NTM: variants seen among roughly 807,000 people sequenced by gnomAD.
NTM encodes the protein neurotrimin.
In NTM, 13 loss-of-function variants were observed where a neutral mutation model predicts 42.1. The observed-to-expected ratio is 0.31, with a 90% CI of 0.20 to 0.49. The LOEUF is 0.49. Among genes scored for constraint, NTM ranks in the 20% least tolerant of loss-of-function variants. The pLI is 0.99. For missense variants in NTM, 373 were observed against 452.8 expected (o/e 0.82, Z 1.60); for synonymous variants, 187 against 179.2 (o/e 1.04, Z -0.35).
chr11:131,854,571 T>C (rs1446416827), intron 1 of NTM, among the ~76,000 whole-genome samples: 1 of 152,078 alleles, frequency 6.6e-6, no homozygotes. Flanking sequence ...CAGCATGAGC[T>C]CAGTATGTTG....
intron 1 of NTM, among the ~76,000 whole-genome samples, chr11:131,740,936 G>A (rs2081101135): frequency 6.6e-6 from 1 of 152,092 alleles, no homozygotes; most frequent in Admixed American, 6.6e-5. Flanking sequence ...GGGAGGCCGA[G>A]GCGTACAGAT....
chr11:131,593,728 T>C (rs2059581842), intron 1 of NTM, among the ~76,000 whole-genome samples: 1 of 152,222 alleles, frequency 6.6e-6, no homozygotes, highest in Non-Finnish European at 1.5e-5. Context: ...ACCTCTTGTA[T>C]TTTGTTGTAT....
chr11:131,828,178 T>A (rs894152747), intron 1 of NTM, among the ~76,000 whole-genome samples: 3 of 152,082 alleles, frequency 2.0e-5, no homozygotes, highest in African/African-American at 7.2e-5. Flanking sequence ...CTAAGTGAGA[T>A]GAATCAGGCA....
At chr11:131,606,708 G>A (rs1033250341) in intron 1 of NTM, among the ~76,000 whole-genome samples, 5 of 152,144 alleles carry the variant, frequency 3.3e-5, no homozygotes, top group Non-Finnish European at 7.4e-5. Context: ...GTGTTCAGTA[G>A]TCTGAGTTGT....
intron 1 of NTM, among the ~76,000 whole-genome samples, chr11:131,735,694 G>A (rs1016967490): frequency 6.6e-6 from 1 of 152,080 alleles, no homozygotes; most frequent in African/African-American, 2.4e-5. Flanking sequence ...GTTTTGTTGG[G>A]TGCTTCCATG....
chr11:131,703,596 A>G (rs920788053), intron 1 of NTM, among the ~76,000 whole-genome samples: 3 of 152,212 alleles, frequency 2.0e-5, no homozygotes, highest in Non-Finnish European at 4.4e-5. Flanking sequence ...TCACAGAAAC[A>G]CTGCTTGGAA....
intron 4 of NTM, among the ~76,000 whole-genome samples, chr11:132,214,206 G>A (rs1472851769): frequency 2.0e-5 from 3 of 152,316 alleles, no homozygotes; most frequent in African/African-American, 7.2e-5. Context: ...GGGCCCTTCT[G>A]AAGGAGGGGC....
chr11:131,638,623 T>C (rs2064742126), intron 1 of NTM, among the ~76,000 whole-genome samples: 1 of 151,508 alleles, frequency 6.6e-6, no homozygotes, highest in Non-Finnish European at 1.5e-5. Flanking sequence ...AAGAAAACTT[T>C]TCTGGAATTG....
intron 3 of NTM, among the ~76,000 whole-genome samples, chr11:132,169,840 T>C (rs2075876484): frequency 1.3e-5 from 2 of 152,216 alleles, no homozygotes; most frequent in Admixed American, 6.5e-5. Flanking sequence ...TCTCCCTGTC[T>C]GACTTCTGTT....
At chr11:131,871,652 C>A (rs1434674331) in intron 1 of NTM, among the ~76,000 whole-genome samples, 1 of 152,138 alleles carries the variant, frequency 6.6e-6, no homozygotes, top group African/African-American at 2.4e-5. Context: ...CTTGTTCTCT[C>A]CCTGTTAATC....
At chr11:131,607,260 G>A (rs1876227) in intron 1 of NTM, among the ~76,000 whole-genome samples, 12 of 152,238 alleles carry the variant, frequency 7.9e-5, no homozygotes, top group Middle Eastern at 3.4e-3. Flanking sequence ...TGAAGCTGCT[G>A]GCCTTCTTGC....
In NTM at chr11:131,705,572, T is replaced by C. The variant is rs11530643; in HGVS notation, c.83-205992T>C. 9.2e-5 allele frequency among the ~76,000 whole-genome samples: 14 copies of C among 152,302 alleles called. No homozygotes were observed. In the East Asian group the frequency reaches 2.5e-3, roughly 27 times the overall value. Reference sequence around the variant, plus strand: ...TCAGAATACTACAATGCTGTAATGATGGTGTATAAATTACCTCTAATTCTG... The same window carrying C: ...TCAGAATACTACAATGCTGTAATGACGGTGTATAAATTACCTCTAATTCTG... On this transcript the variant is annotated intron_variant, in intron 1 of 8. Transcript: ENST00000683400.
At chr11:132,241,882 A>C (rs771884134) in intron 4 of NTM, among the ~76,000 whole-genome samples, 1 of 152,222 alleles carries the variant, frequency 6.6e-6, no homozygotes, top group Non-Finnish European at 1.5e-5. Flanking sequence ...CTCTGTTAAG[A>C]AGCAGCATTT....
chr11:131,553,882 A>G (rs1476966545), intron 1 of NTM, among the ~76,000 whole-genome samples: 1 of 152,156 alleles, frequency 6.6e-6, no homozygotes, highest in Non-Finnish European at 1.5e-5. Flanking sequence ...CGTTGCCCAT[A>G]TATATTTTCA....
At chr11:132,225,986 G>A (rs1274602263) in intron 4 of NTM, among the ~76,000 whole-genome samples, 1 of 152,018 alleles carries the variant, frequency 6.6e-6, no homozygotes, top group African/African-American at 2.4e-5. Flanking sequence ...TCTTGTGTTT[G>A]TTTGCTGAGA....
At chr11:131,772,046 T>C (rs1004089810) in intron 1 of NTM, among the ~76,000 whole-genome samples, 5 of 152,234 alleles carry the variant, frequency 3.3e-5, no homozygotes, top group Admixed American at 1.3e-4. Flanking sequence ...GTTGCTTTTC[T>C]ACTGCCATTT....
At chr11:131,374,847 G>C (rs1425552075) in intron 1 of NTM, among the ~76,000 whole-genome samples, 1 of 152,136 alleles carries the variant, frequency 6.6e-6, no homozygotes, top group African/African-American at 2.4e-5. Flanking sequence ...ACACATGCTG[G>C]AGAGATTTGT....
At chr11:131,888,391 A>G (rs1301592139) in intron 1 of NTM, among the ~76,000 whole-genome samples, 1 of 152,136 alleles carries the variant, frequency 6.6e-6, no homozygotes, top group Non-Finnish European at 1.5e-5. Flanking sequence ...TGCGTCGTTC[A>G]TTCCCCTCCA....
intron 1 of NTM, among the ~76,000 whole-genome samples, chr11:131,739,334 T>G (rs1303346367): frequency 1.3e-5 from 2 of 152,204 alleles, no homozygotes; most frequent in Non-Finnish European, 2.9e-5. Context: ...TTATCACGTA[T>G]GAGTATTATA....
Sources: allele counts gnomAD v4.1 joint callset (sites outside exome capture counted in the v4.1 genomes callset), GRCh38; gene constraint gnomAD v4.1.1; transcripts MANE v1.5; gene names NCBI Gene and HGNC (gene_info 2026-07-23, HGNC 2026-07-21).